Variants in ZFHX3 observed in about 807,000 individuals in gnomAD.
The protein encoded by ZFHX3 is zinc finger homeobox protein 3.
Under a neutral mutation model 279.1 loss-of-function variants are expected in ZFHX3, and 42 were observed. That is an observed-to-expected ratio of 0.15 (90% confidence interval 0.12 to 0.19). The LOEUF is 0.19. ZFHX3 is among the 10% of genes least tolerant of loss of function. The pLI is 1.00. For missense variants in ZFHX3, 4,981 were observed against 4,754.0 expected (o/e 1.05, Z -1.40); for synonymous variants, 2,293 against 1,957.8 (o/e 1.17, Z -4.52).
At chr16:73,232,555 A>G (rs2012810102) in intron 5 of ZFHX3, 1 of 152,152 alleles carries the variant, frequency 6.6e-6, no homozygotes, top group South Asian at 2.1e-4. Flanking sequence ...ATGACTGGAC[A>G]TCTGGTCCCA....
At chr16:73,313,875 T>C (rs62054757) in intron 4 of ZFHX3, among the ~76,000 whole-genome samples, 16,897 of 152,214 alleles carry the variant, frequency 0.11, 1,040 homozygotes, top group South Asian at 0.24. Flanking sequence ...TGGGAGGCTG[T>C]GGCCGGTGGA....
chr16:73,885,792 C>T (rs2142418346), intron 1 of ZFHX3, among the ~76,000 whole-genome samples: 1 of 152,046 alleles, frequency 6.6e-6, no homozygotes, highest in East Asian at 1.9e-4. Context: ...ATAATATGAG[C>T]CATCTGTAAT....
At chr16:73,268,958 G>C (rs371576122) in intron 4 of ZFHX3, among the ~76,000 whole-genome samples, 3 of 152,194 alleles carry the variant, frequency 2.0e-5, no homozygotes, top group African/African-American at 7.2e-5. Context: ...CCCACCAATG[G>C]AGACTGTTCA....
intron 7 of ZFHX3, among the ~76,000 whole-genome samples, chr16:73,111,879 A>T (rs1966378978): frequency 6.6e-6 from 1 of 152,124 alleles, no homozygotes; most frequent in African/African-American, 2.4e-5. Context: ...CATTTTATGG[A>T]TGGGAAAACG....
intron 7 of ZFHX3, among the ~76,000 whole-genome samples, chr16:73,103,116 G>A (rs1236172838): frequency 6.6e-6 from 1 of 152,072 alleles, no homozygotes; most frequent in Non-Finnish European, 1.5e-5. Flanking sequence ...GTAGACATAG[G>A]GTTTCACCAT....
chr16:73,554,170 T>C (rs1234953410), intron 2 of ZFHX3: 1 of 152,184 alleles, frequency 6.6e-6, no homozygotes, highest in East Asian at 1.9e-4. Context: ...GAAATTGCCA[T>C]CCAAGAAAGC....
Position 72,798,310 on chromosome 16 carries a change from C to G in ZFHX3, c.4372G>C (p.Ala1458Pro). 6.2e-7 allele frequency: 1 copy of G among 1,614,166 alleles called. No individual in the cohort carries two copies. The highest frequency in any genetic ancestry group is 8.5e-7 in the Non-Finnish European group (1 of 1,180,020). ...LETSHLELSEADIQQLYGGLL... is the reference protein window; with the variant it reads ...LETSHLELSEPDIQQLYGGLL... ...CCACCATAAAGCTGTTGGATGTCAG[C>G]CTCACTCAGCTCCAGGTGGCTTGTC... The change falls in exon 9 of 10, where the codon GCT becomes CCT. Residue 1458 changes from alanine (A) to proline (P), a missense_variant. Around this residue, in one of 7 missense-constraint regions of ZFHX3, gnomAD observed 1,751 missense variants for 1,770.0 expected, o/e 0.99. Coordinates refer to ENST00000268489, the MANE Select transcript of ZFHX3 (RefSeq NM_006885.4).
chr16:72,977,622 T>G (rs1379189729), intron 1 of ZFHX3, among the ~76,000 whole-genome samples: 2 of 151,828 alleles, frequency 1.3e-5, no homozygotes, highest in African/African-American at 4.8e-5. Flanking sequence ...ACACAGCTCT[T>G]GAGGAGAGGC....
rs1209814238 is a variant in ZFHX3 at position 73,448,195 on chromosome 16, T to C, written c.-1291+7808A>G. ...ACATTAAGCCAGGATGCCAAAAGAT[T>C]ATACATTAAGGTTGAGGATAATAAC... On this transcript the variant is annotated intron_variant, in intron 3 of 17. Coordinates refer to the ZFHX3 transcript ENST00000641206. Among the ~76,000 whole-genome samples the C allele has an allele frequency of 2.0e-5, 3 of 152,084 alleles. No individual in the cohort carries two copies. In the East Asian group the frequency reaches 5.8e-4, roughly 29 times the overall value.
intron 1 of ZFHX3, among the ~76,000 whole-genome samples, chr16:72,971,980 C>T (rs1291139126): frequency 6.7e-6 from 1 of 148,192 alleles, no homozygotes; most frequent in Non-Finnish European, 1.5e-5. Flanking sequence ...CCACCTCCTG[C>T]ATTCAAGCGA....
intron 5 of ZFHX3, among the ~76,000 whole-genome samples, chr16:73,180,327 T>G (rs1462371023): frequency 1.3e-5 from 2 of 152,162 alleles, no homozygotes; most frequent in African/African-American, 4.8e-5. Context: ...TCTTATTTCA[T>G]TCTTCTCTTT....
rs148753079 is a variant in ZFHX3 at position 72,797,314 on chromosome 16, G to A, written c.5368C>T (p.Leu1790=). 54 of 1,605,128 alleles carry A rather than the reference G, an allele frequency of 3.4e-5. No individual in the cohort carries two copies. The highest frequency in any genetic ancestry group is 4.5e-5 in the Non-Finnish European group (53 of 1,175,044). ...FPMTTETLLQ[L]QQQQHLLFPF... ...AAGAGGAGGTGCTGCTGCTGCTGTA[G>A]TTGCAGCAGGGTCTCAGTTGTCATG... The change falls in exon 9 of 10, where the codon CTA becomes TTA. Residue 1790 remains leucine, a synonymous_variant. Coordinates refer to ENST00000268489, the MANE Select transcript of ZFHX3 (RefSeq NM_006885.4).
intron 2 of ZFHX3, among the ~76,000 whole-genome samples, chr16:73,464,458 A>G (rs1229040019): frequency 3.3e-5 from 5 of 151,970 alleles, no homozygotes; most frequent in East Asian, 1.9e-4. Flanking sequence ...TTTAAGAAAA[A>G]AAAAAAAAAG....
chr16:73,503,882 T>C (rs981289205), intron 2 of ZFHX3, among the ~76,000 whole-genome samples: 4 of 152,200 alleles, frequency 2.6e-5, no homozygotes, highest in Admixed American at 1.3e-4. Context: ...AAACGAGGTT[T>C]GTGCTCCTCT....
intron 1 of ZFHX3, among the ~76,000 whole-genome samples, chr16:73,708,278 T>C (rs182438235): frequency 3.1e-3 from 470 of 152,368 alleles, no homozygotes; most frequent in Non-Finnish European, 5.1e-3. Context: ...CATCTATTTT[T>C]AGTTGATTAT....
chr16:73,699,279 G>A (rs144005456), intron 1 of ZFHX3, among the ~76,000 whole-genome samples: 13 of 152,210 alleles, frequency 8.5e-5, no homozygotes, highest in Admixed American at 5.2e-4. Flanking sequence ...TCTCTGCTAC[G>A]TTACAACTTT....
intron 2 of ZFHX3, among the ~76,000 whole-genome samples, chr16:73,574,335 C>T (rs996651539): frequency 6.8e-6 from 1 of 146,120 alleles, no homozygotes. Context: ...AATTTTGTAT[C>T]ATTTCTTGGG....
chr16:73,480,094 T>C (rs1469821471), intron 2 of ZFHX3, among the ~76,000 whole-genome samples: 3 of 152,202 alleles, frequency 2.0e-5, no homozygotes, highest in Admixed American at 6.5e-5. Context: ...TTTTCTTTTT[T>C]CCTCCAGTAA....
intron 3 of ZFHX3, among the ~76,000 whole-genome samples, chr16:73,407,662 T>A (rs189572249): frequency 6.6e-6 from 1 of 152,290 alleles, no homozygotes; most frequent in Non-Finnish European, 1.5e-5. Flanking sequence ...ACACACACAC[T>A]CGCTCCCTCC....
Sources: allele counts gnomAD v4.1 joint callset (sites outside exome capture counted in the v4.1 genomes callset), GRCh38; gene constraint gnomAD v4.1.1; regional missense constraint gnomAD v4.1.1; transcripts MANE v1.5; gene names NCBI Gene and HGNC (gene_info 2026-07-23, HGNC 2026-07-21).